Variants in MANBA observed in about 807,000 individuals in gnomAD.
MANBA encodes mannosidase beta.
MANBA carries 83 observed loss-of-function variants against 111.1 expected under a neutral mutation model. The ratio of observed to expected loss-of-function variants is 0.75; its 90% CI spans 0.63 to 0.90. The LOEUF (loss-of-function observed/expected upper bound fraction) is 0.90, where lower values mean the gene tolerates loss of function less well. MANBA is among the 40% of genes least tolerant of loss of function. The probability of loss-of-function intolerance (pLI) is 0.00; values close to 1 mark genes in which losing one functional copy is unlikely to be tolerated. For missense variants in MANBA, 1,036 were observed against 1,069.0 expected (o/e 0.97, Z 0.43); for synonymous variants, 370 against 378.7 (o/e 0.98, Z 0.27).
intron 7 of MANBA, among the ~76,000 whole-genome samples, chr4:102,688,711 A>T (rs1732336759): frequency 6.6e-6 from 1 of 152,216 alleles, no homozygotes; most frequent in Admixed American, 6.5e-5. Context: ...GAGATTAAGT[A>T]AGTAGCCTAT....
Position 102,635,969 on chromosome 4 carries a change from G to A in MANBA, c.2053C>T (p.Gln685Ter). ...GKWKMLHYFA[Q>*]NFFAPLLPVG... ...GGCAACAGTGGAGCAAAGAAATTCT[G>A]AGCAAAGTAATGAAGCATTTTCCAC... is the stretch of plus-strand genomic sequence containing the variant. The change falls in exon 15 of 17, where the codon CAG becomes TAG. Residue 685 changes from glutamine (Q) to a stop codon, truncating the protein, a stop_gained. Coordinates refer to ENST00000647097, the MANE Select transcript of MANBA (RefSeq NM_005908.4). LOFTEE classifies it high-confidence loss of function. The A allele has an allele frequency of 1.2e-6, 2 of 1,613,660 alleles. No homozygotes were observed. The highest frequency in any genetic ancestry group is 1.7e-6 in the Non-Finnish European group (2 of 1,179,584).
intron 7 of MANBA, among the ~76,000 whole-genome samples, chr4:102,676,080 G>C (rs1297080311): frequency 6.6e-6 from 1 of 152,184 alleles, no homozygotes; most frequent in Non-Finnish European, 1.5e-5. Flanking sequence ...TTGACTCATG[G>C]AAGGGAAGAA....
chr4:102,760,150 T>A (rs1304119927), intron 1 of MANBA, among the ~76,000 whole-genome samples: 2 of 152,002 alleles, frequency 1.3e-5, no homozygotes, highest in Non-Finnish European at 2.9e-5. Flanking sequence ...ATCACCAAGT[T>A]AGCCTTAAAA....
At chr4:102,727,806 G>C in intron 1 of MANBA, 2 of 648,808 alleles carry the variant, frequency 3.1e-6, no homozygotes, top group Non-Finnish European at 5.6e-6. Context: ...AAAACATTCT[G>C]ATGGAGAAAT....
At chr4:102,704,106 A>C (rs1223166162) in intron 5 of MANBA, among the ~76,000 whole-genome samples, 3 of 148,964 alleles carry the variant, frequency 2.0e-5, no homozygotes, top group South Asian at 2.1e-4. Context: ...AAAAAAAAAA[A>C]CCAAAAAATT....
chr4:102,660,806 T>C (rs1386150101), intron 11 of MANBA, among the ~76,000 whole-genome samples: 1 of 149,880 alleles, frequency 6.7e-6, no homozygotes, highest in South Asian at 2.1e-4. Flanking sequence ...TTATAATTAA[T>C]ATATTGATGC....
rs536260956 is a variant in MANBA, at chr4:102,740,721, G to T, written c.178-14038C>A. Among the ~76,000 whole-genome samples, 154 of 152,218 alleles carry T rather than the reference G, an allele frequency of 1.0e-3. 2 individuals are homozygous for T. Among genetic ancestry groups the T allele is most frequent in the African/African-American group, 3.6e-3 (150 of 41,546 alleles). ...AAGGACACCCTATTCAACAAATGAT[G>T]CTGGGATAATTGGCAAGACACATGT... On this transcript the variant is annotated intron_variant, in intron 1 of 16. Transcript: ENST00000647097.
chr4:102,635,235 A>G (rs567238768), intron 15 of MANBA, among the ~76,000 whole-genome samples, 190 bp from the exon 16 acceptor site: 1 of 152,300 alleles, frequency 6.6e-6, no homozygotes, highest in South Asian at 2.1e-4. Context: ...TCATTTCTTC[A>G]TATGTAGAAT....
intron 1 of MANBA, among the ~76,000 whole-genome samples, chr4:102,744,527 T>C (rs1170993720): frequency 1.3e-5 from 2 of 152,148 alleles, no homozygotes; most frequent in Non-Finnish European, 2.9e-5. Flanking sequence ...TGAAGGCAAA[T>C]TGCTTCTGGT....
chr4:102,745,513 A>G (rs1385605568), intron 1 of MANBA, among the ~76,000 whole-genome samples: 1 of 152,180 alleles, frequency 6.6e-6, no homozygotes, highest in Non-Finnish European at 1.5e-5. Context: ...TGGGATGGGT[A>G]GGTCCAAAGT....
At chr4:102,639,633 C>T in intron 14 of MANBA, 80 bp downstream of exon 14, 1 of 1,582,804 alleles carries the variant, frequency 6.3e-7, no homozygotes, top group Non-Finnish European at 8.7e-7. Context: ...AATCTGACCC[C>T]TCCAGCACTG....
chr4:102,633,252 G>A (rs1023949890), intron 16 of MANBA: 6 of 398,412 alleles, frequency 1.5e-5, no homozygotes, highest in South Asian at 1.3e-4. Flanking sequence ...AGATCGCACC[G>A]CCCAGCTGTT....
intron 15 of MANBA, among the ~76,000 whole-genome samples, 154 bp downstream of exon 15, chr4:102,635,711 G>C (rs979935803): frequency 2.0e-5 from 3 of 152,128 alleles, no homozygotes; most frequent in African/African-American, 7.2e-5. Context: ...TTTTGCTTAT[G>C]GTCACATGAT....
Position 102,729,749 on chromosome 4 carries a change from C to G in MANBA, c.178-3066G>C, listed in dbSNP as rs184418757. ...GCTGCCTAAGGTTGTTGATGTAGCT[C>G]TGGAACATGTTGTCCATGTTGCTCT... is the stretch of plus-strand genomic sequence containing the variant. On this transcript the variant is annotated intron_variant, in intron 1 of 16. Transcript: ENST00000647097. The G allele has an allele frequency of 2.5e-4, 329 of 1,318,712 alleles. 1 individual carries two copies. Among genetic ancestry groups the G allele is most frequent in the Middle Eastern group, 1.9e-3 (9 of 4,650 alleles). 81.7% of individuals were successfully genotyped at this position (1,318,712 alleles called of 1,614,324 possible).
intron 1 of MANBA, chr4:102,730,520 C>T (rs1722993691): frequency 3.8e-6 from 2 of 531,156 alleles, no homozygotes; most frequent in South Asian, 1.4e-5. Context: ...ATTGATTCTA[C>T]ATCTTATAGA....
intron 5 of MANBA, among the ~76,000 whole-genome samples, chr4:102,695,199 C>T (rs1732652992): frequency 6.6e-6 from 1 of 152,016 alleles, no homozygotes; most frequent in South Asian, 2.1e-4. Context: ...CTCAAATACG[C>T]CAGCTTCCTC....
intron 13 of MANBA, among the ~76,000 whole-genome samples, chr4:102,648,895 T>A (rs75702923): frequency 0.03 from 4,516 of 152,188 alleles, 240 homozygotes; most frequent in African/African-American, 0.1. Context: ...CCTCCACAAG[T>A]GTAGTTAATA....
At chr4:102,685,214 T>A (rs1165122794) in intron 7 of MANBA, among the ~76,000 whole-genome samples, 1 of 152,190 alleles carries the variant, frequency 6.6e-6, no homozygotes, top group South Asian at 2.1e-4. Flanking sequence ...TTCTTGAACA[T>A]GTTGACAGTT....
chr4:102,663,864 T>C (rs1415369920), intron 11 of MANBA, among the ~76,000 whole-genome samples: 1 of 152,132 alleles, frequency 6.6e-6, no homozygotes, highest in Non-Finnish European at 1.5e-5. Flanking sequence ...CAATTTATAT[T>C]AACATATGTC....
Sources: allele counts gnomAD v4.1 joint callset (sites outside exome capture counted in the v4.1 genomes callset), GRCh38; gene constraint gnomAD v4.1.1; transcripts MANE v1.5; gene names NCBI Gene and HGNC (gene_info 2026-07-23, HGNC 2026-07-21).